DDX60L: variants seen among roughly 807,000 people sequenced by gnomAD.
The protein encoded by DDX60L is DExD/H-box 60 like.
A neutral mutation model predicts 211.6 loss-of-function variants in DDX60L; 191 were observed. That is an observed-to-expected ratio of 0.90 (90% CI 0.80 to 1.02). The LOEUF (loss-of-function observed/expected upper bound fraction) is 1.02. Among genes scored for constraint, DDX60L ranks in the 50% least tolerant of loss-of-function variants. The pLI, the probability that DDX60L is intolerant of heterozygous loss-of-function variation, is 0.00. For missense variants in DDX60L, 2,007 were observed against 1,984.1 expected (o/e 1.01, Z -0.22); for synonymous variants, 706 against 694.1 (o/e 1.02, Z -0.27).
At chr4:168,381,718 A>G (rs1424917973) in intron 30 of DDX60L, among the ~76,000 whole-genome samples, 5 of 152,152 alleles carry the variant, frequency 3.3e-5, no homozygotes, top group African/African-American at 4.8e-5. Flanking sequence ...GCCACAGATT[A>G]TATCTCCACA....
At chr4:168,382,048 A>T (rs868255111) in intron 30 of DDX60L, among the ~76,000 whole-genome samples, 9 of 152,232 alleles carry the variant, frequency 5.9e-5, no homozygotes, top group Middle Eastern at 3.4e-3. Context: ...TTCTGGGAAG[A>T]CTCTTTGTCT....
intron 4 of DDX60L, chr4:168,470,549 C>A (rs1472958310): frequency 1.3e-5 from 2 of 152,168 alleles, no homozygotes; most frequent in African/African-American, 4.8e-5. Flanking sequence ...AAGGTTTATA[C>A]AAAGAGTTCA....
At chr4:168,437,961 A>G (rs751487942) in intron 10 of DDX60L, among the ~76,000 whole-genome samples, 3 of 151,804 alleles carry the variant, frequency 2.0e-5, no homozygotes, top group Admixed American at 1.3e-4. Flanking sequence ...GCAACCTCCA[A>G]CTCCTGGGTT....
chr4:168,367,891 T>C (rs1740268455), intron 36 of DDX60L, among the ~76,000 whole-genome samples: 2 of 152,170 alleles, frequency 1.3e-5, no homozygotes, highest in Non-Finnish European at 2.9e-5. Context: ...AGAGATGATT[T>C]AGGGTACCTG....
intron 26 of DDX60L, 63 bp downstream of exon 26, chr4:168,400,763 C>G: frequency 5.1e-6 from 7 of 1,373,456 alleles, no homozygotes; most frequent in Non-Finnish European, 7.0e-6. Context: ...ACATTTCTGA[C>G]AGTGTCTTGT....
intron 9 of DDX60L, among the ~76,000 whole-genome samples, chr4:168,442,784 C>T (rs1415125993): frequency 6.6e-6 from 1 of 151,164 alleles, no homozygotes; most frequent in Admixed American, 6.6e-5. Context: ...CCTCACACGG[C>T]AGGGTACTCC....
intron 8 of DDX60L, among the ~76,000 whole-genome samples, chr4:168,450,472 CAAA>C (rs532304128): frequency 1.5e-5 from 2 of 130,924 alleles, no homozygotes; most frequent in Non-Finnish European, 1.7e-5. Context: ...TGGTCTCCCT[CAAA>C]AAAAAAAAAA....
At chr4:168,455,949 G>T in intron 7 of DDX60L, 90 bp downstream of exon 7, 1 of 873,968 alleles carries the variant, frequency 1.1e-6, no homozygotes. Flanking sequence ...TATGTCCACA[G>T]TGGAGAACCT....
intron 1 of DDX60L, among the ~76,000 whole-genome samples, chr4:168,479,729 G>A (rs1303691712): frequency 6.6e-6 from 1 of 152,094 alleles, no homozygotes; most frequent in African/African-American, 2.4e-5. Flanking sequence ...AGCACTTTGG[G>A]CGGCCTAGGC....
Position 168,358,289 on chromosome 4 carries a change from T to C in DDX60L, c.4992-13A>G, listed in dbSNP as rs759180268. On this transcript the variant is annotated splice_polypyrimidine_tract_variant and intron_variant, in intron 37 of 37. Coordinates refer to ENST00000682922, the MANE Select transcript of DDX60L (RefSeq NM_001012967.3). Reference sequence around the variant, plus strand: ...ACTCAAGGAGTCACTGTATAAATGATAATAATAATAAAAAAATAATGAGCC... The same window carrying C: ...ACTCAAGGAGTCACTGTATAAATGACAATAATAATAAAAAAATAATGAGCC... 1.9e-5 allele frequency: 27 copies of C among 1,455,438 alleles called. No homozygotes were observed. The highest frequency in any genetic ancestry group is 2.4e-5 in the Non-Finnish European group (26 of 1,100,428). The allele number at this position is 1,455,438 out of a possible 1,614,324, so 90.2% of individuals were successfully genotyped here.
In DDX60L at chr4:168,457,259, C is replaced by CATAT. The variant is rs147907092; in HGVS notation, c.723+632_723+633insATAT. Among the ~76,000 whole-genome samples the CATAT allele has an allele frequency of 9.1e-3, 991 of 109,414 alleles. 11 individuals carry two copies. The highest frequency in any genetic ancestry group is 0.02 in the East Asian group (55 of 2,784). The allele number at this position is 109,414 out of a possible 152,430, so 71.8% of individuals were successfully genotyped here. ...ACACCAAAAACATATATATAAACTA[C>CATAT]ATACACACACACACACACACACACA... is the stretch of plus-strand genomic sequence containing the variant. On this transcript the variant is annotated intron_variant, in intron 6 of 37. Transcript: ENST00000682922.
At chr4:168,410,054 T>C (rs1199157201) in intron 22 of DDX60L, among the ~76,000 whole-genome samples, 1 of 152,152 alleles carries the variant, frequency 6.6e-6, no homozygotes, top group Non-Finnish European at 1.5e-5. Context: ...TATATGGCAC[T>C]ATGAGCTAGC....
chr4:168,364,314 G>C (rs1202742308), intron 36 of DDX60L, among the ~76,000 whole-genome samples: 1 of 152,052 alleles, frequency 6.6e-6, no homozygotes, highest in Non-Finnish European at 1.5e-5. Context: ...AAAGGACAAA[G>C]TCATTATATA....
intron 16 of DDX60L, 135 bp from the exon 17 acceptor site, chr4:168,422,044 G>T (rs1043360263): frequency 2.8e-6 from 3 of 1,063,588 alleles, no homozygotes; most frequent in Admixed American, 4.8e-5. Flanking sequence ...AACCCCTGAA[G>T]ATTAGGTCTG....
chr4:168,407,074 A>T (rs1052237294), intron 22 of DDX60L, among the ~76,000 whole-genome samples: 1 of 152,202 alleles, frequency 6.6e-6, no homozygotes, highest in Non-Finnish European at 1.5e-5. Flanking sequence ...TTAGACAAAA[A>T]ATATACCTTT....
intron 5 of DDX60L, among the ~76,000 whole-genome samples, chr4:168,459,899 A>G (rs1430330425): frequency 1.3e-5 from 2 of 152,144 alleles, no homozygotes; most frequent in Non-Finnish European, 2.9e-5. Context: ...TTTTAATGAC[A>G]GAATAAAAAT....
chr4:168,395,482 C>T (rs1745607495), intron 27 of DDX60L, among the ~76,000 whole-genome samples: 1 of 152,082 alleles, frequency 6.6e-6, no homozygotes, highest in Non-Finnish European at 1.5e-5. Flanking sequence ...TTTCTATTTT[C>T]AAGTACTTCT....
rs760673308 is a variant in DDX60L at position 168,441,331 on chromosome 4, T to C, written c.1294+6A>G. 4.4e-6 allele frequency: 7 copies of C among 1,598,526 alleles called. No homozygotes were observed. In the South Asian group the frequency reaches 7.9e-5, roughly 18 times the overall value. On this transcript the variant is annotated splice_donor_region_variant and intron_variant, in intron 10 of 37. Coordinates refer to ENST00000682922, the MANE Select transcript of DDX60L (RefSeq NM_001012967.3). Reference sequence around the variant, plus strand: ...TTTGTTCCACTTTAATTTACCCATTTAGTACCTTGAATGACCGATTTCTCT... The same window carrying C: ...TTTGTTCCACTTTAATTTACCCATTCAGTACCTTGAATGACCGATTTCTCT...
At chr4:168,450,542 A>C (rs577658195) in intron 8 of DDX60L, among the ~76,000 whole-genome samples, 1 of 152,038 alleles carries the variant, frequency 6.6e-6, no homozygotes, top group African/African-American at 2.4e-5. Flanking sequence ...CACTACCTTT[A>C]TTTTATACCC....
Sources: gnomAD v4.1 joint callset for allele counts (sites outside exome capture counted in the v4.1 genomes callset) on GRCh38, gnomAD v4.1.1 for gene constraint, MANE v1.5 for transcripts, NCBI Gene and HGNC (gene_info 2026-07-23, HGNC 2026-07-21) for gene names.